The following NCBP1 variants were observed in gnomAD, a reference collection of about 807,000 sequenced individuals.
The protein encoded by NCBP1 is nuclear cap-binding protein subunit 1.
Under a neutral mutation model 111.7 loss-of-function variants are expected in NCBP1, and 16 were observed. The ratio of observed to expected loss-of-function variants is 0.14; its 90% CI spans 0.10 to 0.22. NCBP1 has a LOEUF of 0.22. NCBP1 is among the 10% of genes least tolerant of loss of function. The pLI, the probability that NCBP1 is intolerant of heterozygous loss-of-function variation, is 1.00. For synonymous variants in NCBP1, 304 were observed against 314.3 expected, an observed-to-expected ratio of 0.97 and a Z score of 0.35; for missense variants, 607 against 957.5, an observed-to-expected ratio of 0.63 and a Z score of 4.83.
Position 97,633,889 on chromosome 9 carries a change from G to A in NCBP1, c.8G>A (p.Arg3Gln). Residue 3 changes from arginine (R) to glutamine (Q), a missense_variant, in exon 1 of 23, where the codon CGG (arginine) becomes CAG (glutamine). Physicochemically the swap from Arg to Gln is conservative, Grantham distance 43. Coordinates refer to ENST00000375147, the MANE Select transcript of NCBP1 (RefSeq NM_002486.5). ...GGCGCACCGGAGGGCAGCATGTCGC[G>A]GCGGCGGCACAGCGACGAGAACGAC... Reference protein sequence around the residue: MSRRRHSDENDGG... With the variant: MSQRRHSDENDGG... The A allele has an allele frequency of 6.3e-7, 1 of 1,588,240 alleles. No homozygotes were observed. Among genetic ancestry groups the A allele is most frequent in the Non-Finnish European group, 8.5e-7 (1 of 1,173,362 alleles).
At chr9:97,661,110 G>A (rs199548018) in intron 16 of NCBP1, 42 bp downstream of exon 16, 91 of 1,602,776 alleles carry the variant, frequency 5.7e-5, no homozygotes, top group Non-Finnish European at 9.3e-6. Context: ...CTATGTATAG[G>A]CCAACTTAAA....
chr9:97,641,808 T>C (rs779912681), intron 3 of NCBP1, 146 bp downstream of exon 3: 42 of 856,210 alleles, frequency 4.9e-5, no homozygotes, highest in Non-Finnish European at 6.3e-5. Context: ...AGCCAACCTT[T>C]GGCGCTTTGG....
intron 1 of NCBP1, 136 bp from the exon 2 acceptor site, chr9:97,640,658 G>A: frequency 1.6e-6 from 1 of 622,282 alleles, no homozygotes; most frequent in Non-Finnish European, 2.8e-6. Context: ...TCTGAGAAAT[G>A]GAGGGTCTGT....
chr9:97,662,554 G>A (rs1473832622), intron 17 of NCBP1, among the ~76,000 whole-genome samples: 1 of 152,172 alleles, frequency 6.6e-6, no homozygotes, highest in Non-Finnish European at 1.5e-5. Context: ...GGGTCCAAAG[G>A]AAGAAAGAGC....
At chr9:97,667,414 A>T (rs903280354) in intron 20 of NCBP1, among the ~76,000 whole-genome samples, 6 of 152,290 alleles carry the variant, frequency 3.9e-5, no homozygotes, top group Middle Eastern at 3.4e-3. Context: ...CCATAGTAGA[A>T]GGTGAAAAAA....
intron 1 of NCBP1, among the ~76,000 whole-genome samples, chr9:97,637,379 ATTGT>A (rs1222342539): frequency 2.0e-5 from 3 of 152,232 alleles, no homozygotes; most frequent in African/African-American, 4.8e-5. Context: ...TATGCAGTCC[ATTGT>A]TTGTTCTTTT....
rs1364986043 is a variant in NCBP1, at chr9:97,658,714, G to A, written c.1448G>A (p.Cys483Tyr). 6.2e-7 allele frequency: 1 copy of A among 1,610,946 alleles called. No individual in the cohort carries two copies. Among genetic ancestry groups the A allele is most frequent in the Non-Finnish European group, 8.5e-7 (1 of 1,177,266 alleles). ...FSALCPANPT[C>Y]IYKYGDESSN... is the part of the protein sequence containing the mutation. ...GCTCTGTGTCCTGCAAACCCAACCT[G>A]CATTTACAAGTATGGAGATGAAAGT... Residue 483 changes from cysteine (C) to tyrosine (Y), a missense_variant, in exon 15 of 23, where the codon TGC becomes TAC. Physicochemically the swap from Cys to Tyr is radical, Grantham distance 194. This residue lies in a region of NCBP1 where 282 missense variants were observed against 376.5 expected (regional missense o/e 0.75). Coordinates refer to ENST00000375147, the MANE Select transcript of NCBP1 (RefSeq NM_002486.5).
At chr9:97,670,536 C>CGG in intron 22 of NCBP1, among the ~76,000 whole-genome samples, 1 of 152,274 alleles carries the variant, frequency 6.6e-6, no homozygotes, top group African/African-American at 2.4e-5. Context: ...AGAAGTCACT[C>CGG]TAAGTTCAAT....
At chr9:97,637,102 A>T (rs891990741) in intron 1 of NCBP1, among the ~76,000 whole-genome samples, 1 of 152,176 alleles carries the variant, frequency 6.6e-6, no homozygotes, top group African/African-American at 2.4e-5. Context: ...GTTGTAGGAG[A>T]TAAGATTAGA....
chr9:97,670,135 C>A, intron 22 of NCBP1: 1 of 289,436 alleles, frequency 3.5e-6, no homozygotes. Flanking sequence ...GTTGGCCAGG[C>A]TAGTCTCAAA....
intron 19 of NCBP1, 89 bp from the exon 20 acceptor site, chr9:97,666,674 T>C: frequency 2.5e-6 from 2 of 793,818 alleles, no homozygotes; most frequent in South Asian, 3.8e-5. Context: ...CTGTATCAGC[T>C]GTTAAGAATG....
chr9:97,637,084 AG>A (rs922348871), intron 1 of NCBP1, among the ~76,000 whole-genome samples: 3 of 152,124 alleles, frequency 2.0e-5, no homozygotes, highest in African/African-American at 2.4e-5. Flanking sequence ...AGAGTGAGTG[AG>A]GGGGAAGTTG....
At chr9:97,658,824 A>C in intron 15 of NCBP1, 81 bp downstream of exon 15, 1 of 1,137,740 alleles carries the variant, frequency 8.8e-7, no homozygotes, top group South Asian at 1.3e-5. Flanking sequence ...AAGTGGAGAA[A>C]TTGAACTTTT....
intron 1 of NCBP1, among the ~76,000 whole-genome samples, chr9:97,638,911 A>G (rs1011423575): frequency 6.6e-6 from 1 of 152,164 alleles, no homozygotes; most frequent in Non-Finnish European, 1.5e-5. Context: ...GGCTATTTGA[A>G]TGTCCTAGCT....
chr9:97,659,137 T>C (rs933915379), intron 15 of NCBP1, among the ~76,000 whole-genome samples: 1 of 152,260 alleles, frequency 6.6e-6, no homozygotes, highest in Non-Finnish European at 1.5e-5. Flanking sequence ...AAGTAAATTC[T>C]TAATTATGAT....
intron 17 of NCBP1, among the ~76,000 whole-genome samples, chr9:97,662,701 G>C (rs1827874195): frequency 6.6e-6 from 1 of 152,148 alleles, no homozygotes; most frequent in East Asian, 1.9e-4. Context: ...CAGTTCCTTA[G>C]TCCTTACCTA....
chr9:97,669,079 T>A, intron 21 of NCBP1, 105 bp downstream of exon 21: 4 of 1,280,042 alleles, frequency 3.1e-6, no homozygotes, highest in Non-Finnish European at 4.2e-6. Flanking sequence ...CACATTCATT[T>A]ATAGAAGAGA....
intron 6 of NCBP1, 128 bp downstream of exon 6, chr9:97,645,860 C>G: frequency 8.5e-7 from 1 of 1,171,146 alleles, no homozygotes; most frequent in Non-Finnish European, 1.2e-6. Flanking sequence ...ATCCTGTTCT[C>G]CTGCTGTTTT....
At position 97,647,477 on chromosome 9, in the gene NCBP1, C is replaced by A; in HGVS notation, c.612-15C>A. 2 of 1,602,760 alleles carry A rather than the reference C, an allele frequency of 1.2e-6. No individual in the cohort carries two copies. Among genetic ancestry groups the A allele is most frequent in the Non-Finnish European group, 1.7e-6 (2 of 1,170,938 alleles). On this transcript the variant is annotated splice_polypyrimidine_tract_variant and intron_variant, in intron 6 of 22. Coordinates refer to ENST00000375147, the MANE Select transcript of NCBP1 (RefSeq NM_002486.5). ...TTTTAAAAGCCTAAATGTAGATTTTCATTTTTATCTTTAGAAGACGCCAAA... is the reference window on the plus strand; with the variant it reads ...TTTTAAAAGCCTAAATGTAGATTTTAATTTTTATCTTTAGAAGACGCCAAA...
Sources: gnomAD v4.1 joint callset for allele counts (sites outside exome capture counted in the v4.1 genomes callset) on GRCh38, gnomAD v4.1.1 for gene constraint, gnomAD v4.1.1 regional missense constraint, MANE v1.5 for transcripts, NCBI Gene and HGNC (gene_info 2026-07-23, HGNC 2026-07-21) for gene names.